KCTD16: variants seen among roughly 807,000 people sequenced by gnomAD.
KCTD16 encodes potassium channel tetramerization domain containing 16.
A neutral mutation model predicts 33.2 loss-of-function variants in KCTD16; 13 were observed. The ratio of observed to expected loss-of-function variants is 0.39; its 90% CI spans 0.25 to 0.62. The LOEUF (loss-of-function observed/expected upper bound fraction) is 0.62. KCTD16 is among the 20% of genes least tolerant of loss of function. The probability of loss-of-function intolerance (pLI) is 0.50; values close to 1 mark genes in which losing one functional copy is unlikely to be tolerated. For missense variants in KCTD16, 441 were observed against 525.1 expected, an observed-to-expected ratio of 0.84 and a Z score of 1.57; for synonymous variants, 197 against 195.3, an observed-to-expected ratio of 1.01 and a Z score of -0.07.
intron 3 of KCTD16, among the ~76,000 whole-genome samples, chr5:144,446,773 A>C (rs1054991045): frequency 1.3e-5 from 2 of 152,232 alleles, no homozygotes; most frequent in Admixed American, 6.5e-5. Context: ...TTTCAAAAGA[A>C]GAGATTTATG....
intron 3 of KCTD16, among the ~76,000 whole-genome samples, chr5:144,355,297 A>G (rs1473422688): frequency 6.6e-6 from 1 of 152,238 alleles, no homozygotes; most frequent in Non-Finnish European, 1.5e-5. Context: ...TATGAACAGC[A>G]TCAAAAAAGA....
intron 2 of KCTD16, among the ~76,000 whole-genome samples, chr5:144,183,746 T>C (rs1752671295): frequency 6.6e-6 from 1 of 152,214 alleles, no homozygotes; most frequent in African/African-American, 2.4e-5. Flanking sequence ...TGAACAAGAA[T>C]AGTGCCTAGC....
chr5:144,245,311 T>C (rs1173590748), intron 3 of KCTD16, among the ~76,000 whole-genome samples: 2 of 151,830 alleles, frequency 1.3e-5, no homozygotes, highest in East Asian at 1.9e-4. Context: ...AATATAAGAG[T>C]GTATAATGAG....
intron 2 of KCTD16, among the ~76,000 whole-genome samples, chr5:144,190,790 A>T (rs890672678): frequency 3.3e-5 from 5 of 152,154 alleles, no homozygotes; most frequent in Admixed American, 2.0e-4. Flanking sequence ...TATTGTCTAG[A>T]ATGTGAGCTC....
chr5:144,223,895 T>C (rs1244011677), intron 3 of KCTD16, among the ~76,000 whole-genome samples: 1 of 152,080 alleles, frequency 6.6e-6, no homozygotes, highest in African/African-American at 2.4e-5. Flanking sequence ...CTTCCTTTTA[T>C]CCTGGTGGTC....
chr5:144,367,045 C>A (rs1161840437), intron 3 of KCTD16, among the ~76,000 whole-genome samples: 1 of 152,138 alleles, frequency 6.6e-6, no homozygotes, highest in Non-Finnish European at 1.5e-5. Context: ...AAGAGGAGGG[C>A]TATTAGCCCA....
At chr5:144,197,994 C>T (rs951258229) in intron 2 of KCTD16, among the ~76,000 whole-genome samples, 4 of 151,872 alleles carry the variant, frequency 2.6e-5, no homozygotes, top group African/African-American at 9.7e-5. Context: ...TCTTTTTTTC[C>T]ATTCCAATTT....
intron 3 of KCTD16, among the ~76,000 whole-genome samples, chr5:144,221,217 A>G (rs971835276): frequency 3.9e-5 from 6 of 152,210 alleles, no homozygotes; most frequent in African/African-American, 1.2e-4. Flanking sequence ...GTGAACATCT[A>G]GAGAATGTCT....
intron 2 of KCTD16, among the ~76,000 whole-genome samples, chr5:144,175,936 C>T (rs185918927): frequency 1.3e-5 from 2 of 152,078 alleles, no homozygotes; most frequent in Non-Finnish European, 2.9e-5. Flanking sequence ...CTTCTAAGAT[C>T]AATTATAAAC....
chr5:144,276,242 A>G (rs1441571913), intron 3 of KCTD16, among the ~76,000 whole-genome samples: 2 of 152,198 alleles, frequency 1.3e-5, no homozygotes, highest in African/African-American at 2.4e-5. Flanking sequence ...TGTAAAAAGA[A>G]TGACATCATT....
intron 3 of KCTD16, among the ~76,000 whole-genome samples, chr5:144,394,430 A>G (rs551929098): frequency 6.6e-6 from 1 of 152,214 alleles, no homozygotes; most frequent in Admixed American, 6.5e-5. Flanking sequence ...TGGTATTGGC[A>G]ACACAAATGA....
chr5:144,245,099 A>T (rs894938183), intron 3 of KCTD16, among the ~76,000 whole-genome samples: 5 of 152,252 alleles, frequency 3.3e-5, no homozygotes, highest in African/African-American at 1.2e-4. Flanking sequence ...ACATTTATTT[A>T]TTTATTTGAC....
intron 3 of KCTD16, among the ~76,000 whole-genome samples, chr5:144,302,543 T>C (rs1025295116): frequency 1.3e-5 from 2 of 152,206 alleles, no homozygotes; most frequent in African/African-American, 2.4e-5. Flanking sequence ...TCCCTGGCTA[T>C]ATCTAGACTT....
chr5:144,368,417 G>A (rs987038018), intron 3 of KCTD16, among the ~76,000 whole-genome samples: 3 of 152,126 alleles, frequency 2.0e-5, no homozygotes, highest in South Asian at 2.1e-4. Context: ...TCAGGATGGA[G>A]AGAGACATGG....
intron 3 of KCTD16, among the ~76,000 whole-genome samples, chr5:144,304,516 T>C (rs1645905320): frequency 6.6e-6 from 1 of 152,188 alleles, no homozygotes; most frequent in Admixed American, 6.5e-5. Context: ...AGGAAAGTAT[T>C]TGGCTTAATT....
intron 3 of KCTD16, among the ~76,000 whole-genome samples, chr5:144,422,283 T>G (rs979132979): frequency 3.5e-4 from 53 of 152,322 alleles, no homozygotes; most frequent in African/African-American, 1.2e-3. Context: ...GATTTACATC[T>G]AAATGTTTCT....
rs182074646 is a variant in KCTD16 at position 144,378,942 on chromosome 5, T to C, written c.833-94718T>C. Among the ~76,000 whole-genome samples the C allele has an allele frequency of 1.5e-4, 23 of 152,294 alleles. No individual in the cohort carries two copies. In the Middle Eastern group the frequency reaches 0.01, roughly 68 times the overall value. Reference sequence around the variant, plus strand: ...GGAGAAAATGCAAGCATCCGTGAAATGGGATTTGGCGATATTAATTGTGGC... The same window carrying C: ...GGAGAAAATGCAAGCATCCGTGAAACGGGATTTGGCGATATTAATTGTGGC... On this transcript the variant is annotated intron_variant, in intron 3 of 3. Transcript: ENST00000512467.
chr5:144,220,354 T>C (rs1007718010), intron 3 of KCTD16, among the ~76,000 whole-genome samples: 7 of 152,174 alleles, frequency 4.6e-5, no homozygotes, highest in African/African-American at 1.7e-4. Context: ...ATTTACTTGT[T>C]TATTTTCCCT....
chr5:144,337,797 A>G (rs926837536), intron 3 of KCTD16, among the ~76,000 whole-genome samples: 2 of 152,168 alleles, frequency 1.3e-5, no homozygotes, highest in Non-Finnish European at 2.9e-5. Flanking sequence ...CTATCTATAC[A>G]TAGTGAAGGG....
Sources: allele counts gnomAD v4.1 joint callset (sites outside exome capture counted in the v4.1 genomes callset), GRCh38; gene constraint gnomAD v4.1.1; transcripts MANE v1.5; gene names NCBI Gene and HGNC (gene_info 2026-07-23, HGNC 2026-07-21).